RPUSD4: variants seen among roughly 807,000 people sequenced by gnomAD.
The protein encoded by RPUSD4 is RNA pseudouridine synthase D4, also known as pseudouridylate synthase RPUSD4, mitochondrial.
RPUSD4 carries 37 observed loss-of-function variants against 35.4 expected under a neutral mutation model. The ratio of observed to expected loss-of-function variants is 1.04; its 90% CI spans 0.80 to 1.37. RPUSD4 has a LOEUF of 1.37. Among genes scored for constraint, RPUSD4 ranks in the 40% most tolerant of loss-of-function variants. The pLI, the probability that RPUSD4 is intolerant of heterozygous loss-of-function variation, is 0.00. For synonymous variants in RPUSD4, 210 were observed against 192.7 expected, an observed-to-expected ratio of 1.09 and a Z score of -0.74; for missense variants, 507 against 484.9, an observed-to-expected ratio of 1.05 and a Z score of -0.43.
intron 2 of RPUSD4, among the ~76,000 whole-genome samples, chr11:126,210,520 T>TACATACAC (rs746246254): frequency 2.1e-3 from 128 of 60,290 alleles, no homozygotes; most frequent in African/African-American, 6.3e-3. Flanking sequence ...CCAACATACA[T>TACATACAC]ACACACACAC....
intron 3 of RPUSD4, among the ~76,000 whole-genome samples, chr11:126,208,017 A>T (rs1949792017): frequency 6.6e-6 from 1 of 152,186 alleles, no homozygotes; most frequent in African/African-American, 2.4e-5. Context: ...AAGGAAATAG[A>T]AAATATCTTT....
intron 2 of RPUSD4, 47 bp from the exon 3 acceptor site, chr11:126,209,769 G>T: frequency 6.6e-7 from 1 of 1,504,642 alleles, no homozygotes; most frequent in Non-Finnish European, 9.1e-7. Flanking sequence ...AAAAGATCTC[G>T]CCAAAGAACT....
rs1286195993 is a variant in RPUSD4, at chr11:126,203,322, CA to C, written c.*95del. The C allele has an allele frequency of 1.3e-6, 2 of 1,536,944 alleles. No individual in the cohort carries two copies. The highest frequency in any genetic ancestry group is 1.8e-6 in the Non-Finnish European group (2 of 1,140,730). On this transcript the variant is annotated 3_prime_UTR_variant, in exon 7 of 7. Transcript: ENST00000298317. ...TGAGAAGTTAGCAGAGTCCTGTAAA[CA>C]AAGAACAGTTCAGGGGCCAACCTGC...
intron 5 of RPUSD4, 138 bp from the exon 6 acceptor site, chr11:126,204,466 G>A (rs7929387): frequency 8.9e-5 from 54 of 604,344 alleles, no homozygotes; most frequent in Admixed American, 3.5e-4. Flanking sequence ...AAAGTATAAC[G>A]AATAATATAG....
intron 2 of RPUSD4, 115 bp downstream of exon 2, chr11:126,210,775 G>A (rs1949848002): frequency 2.8e-6 from 3 of 1,079,076 alleles, no homozygotes; most frequent in Non-Finnish European, 4.0e-6. Flanking sequence ...GTTTACAAAA[G>A]TTTAATTAAT....
chr11:126,210,550 C>CACACACACACACACA (rs3220746), intron 2 of RPUSD4, among the ~76,000 whole-genome samples: 4 of 144,616 alleles, frequency 2.8e-5, no homozygotes, highest in Non-Finnish European at 6.1e-5. Flanking sequence ...CACACACACA[C>CACACACACACACACA]CCCCTTTTTT....
At chr11:126,211,084 T>C in intron 1 of RPUSD4, 29 bp from the exon 2 acceptor site, 2 of 1,585,262 alleles carry the variant, frequency 1.3e-6, no homozygotes, top group Non-Finnish European at 1.7e-6. Context: ...CCGTGGGGAA[T>C]GCCTGGTGCG....
In RPUSD4 at chr11:126,210,547, ACACC is replaced by A. The variant is rs1394354658; in HGVS notation, c.355+339_355+342del. Among the ~76,000 whole-genome samples the A allele has an allele frequency of 4.5e-3, 665 of 147,422 alleles. 2 individuals carry two copies. The highest frequency in any genetic ancestry group is 0.016 in the South Asian group (74 of 4,690). On this transcript the variant is annotated intron_variant, in intron 2 of 6. Coordinates refer to ENST00000298317, the MANE Select transcript of RPUSD4 (RefSeq NM_032795.3). The stretch of plus-strand genomic sequence containing the variant: ...CACACACACACACACACACACACAC[ACACC>A]CCCTTTTTTCTTATGTATCATTTTC...
chr11:126,209,860 G>T, intron 2 of RPUSD4, 138 bp from the exon 3 acceptor site: 2 of 686,668 alleles, frequency 2.9e-6, no homozygotes, highest in Non-Finnish European at 4.9e-6. Context: ...CCAGAGACTA[G>T]CAACAATGGC....
chr11:126,202,976 C>T lies in RPUSD4; in HGVS notation c.*442G>A, dbSNP rs1949728589. 1 of 175,132 alleles carries T rather than the reference C, an allele frequency of 5.7e-6. No individual in the cohort carries two copies. The highest frequency in any genetic ancestry group is 1.2e-5 in the Non-Finnish European group (1 of 80,848). 10.8% of individuals were successfully genotyped at this position (175,132 alleles called of 1,614,324 possible). ...ACTATAGCTGGGCAATCCCTGGATG[C>T]TGTGATATTTGTTAACCATTATGTT... On this transcript the variant is annotated 3_prime_UTR_variant, in exon 7 of 7. Coordinates refer to ENST00000298317, the MANE Select transcript of RPUSD4 (RefSeq NM_032795.3).
rs779732966 is a variant in RPUSD4 at position 126,210,974 on chromosome 11, G to C, written c.271C>G (p.Leu91Val). The C allele has an allele frequency of 6.2e-7, 1 of 1,614,156 alleles. No homozygotes were observed. Among genetic ancestry groups the C allele is most frequent in the South Asian group, 1.1e-5 (1 of 91,082 alleles). Residue 91 changes from leucine to valine, a missense_variant, in exon 2 of 7, where the codon CTT becomes GTT. Coordinates refer to ENST00000298317, the MANE Select transcript of RPUSD4 (RefSeq NM_032795.3). ...RQLQRVHPNV[L>V]AKALTRGILH... Reference sequence around the variant, plus strand: ...ATTCCTCGGGTCAGTGCCTTAGCAAGCACGTTGGGGTGGACTCGCTGCAGC... The same window carrying C: ...ATTCCTCGGGTCAGTGCCTTAGCAACCACGTTGGGGTGGACTCGCTGCAGC...
At chr11:126,208,657 A>G (rs899327218) in intron 3 of RPUSD4, 9 of 152,270 alleles carry the variant, frequency 5.9e-5, no homozygotes, top group African/African-American at 2.2e-4. Context: ...ATATATATAT[A>G]GATATATATG....
rs771259023 is a variant in RPUSD4 at position 126,204,217 on chromosome 11, C to G, written c.894+14G>C. On this transcript the variant is annotated intron_variant, in intron 6 of 6. Coordinates refer to ENST00000298317, the MANE Select transcript of RPUSD4 (RefSeq NM_032795.3). ...CTCCCGTATCTGCTGCACATTGGGT[C>G]AAATTAGTATTACCTGGGGGGCCAA... The G allele has an allele frequency of 6.3e-7, 1 of 1,585,224 alleles. No individual in the cohort carries two copies. Among genetic ancestry groups the G allele is most frequent in the Non-Finnish European group, 8.7e-7 (1 of 1,155,478 alleles).
Position 126,204,344 on chromosome 11 carries a change from G to A in RPUSD4, c.797-16C>T. 1.9e-6 allele frequency: 3 copies of A among 1,576,886 alleles called. No homozygotes were observed. The highest frequency in any genetic ancestry group is 2.6e-6 in the Non-Finnish European group (3 of 1,153,626). On this transcript the variant is annotated splice_polypyrimidine_tract_variant and intron_variant, in intron 5 of 6. Transcript: ENST00000298317. Reference sequence around the variant, plus strand: ...TGTTTTATTCCTTAAAAGAGAGAGAGAGAGAAAGAGAGAAAACTCGTGAGG... The same window carrying A: ...TGTTTTATTCCTTAAAAGAGAGAGAAAGAGAAAGAGAGAAAACTCGTGAGG...
rs948656960 is a variant in RPUSD4 at position 126,202,794 on chromosome 11, G to A, written c.*624C>T. 3 of 152,218 alleles carry A rather than the reference G, an allele frequency of 2.0e-5. No individual in the cohort carries two copies. Among genetic ancestry groups the A allele is most frequent in the Non-Finnish European group, 4.4e-5 (3 of 68,054 alleles). The allele number at this position is 152,218 out of a possible 1,614,324, so 9.4% of individuals were successfully genotyped here. On this transcript the variant is annotated 3_prime_UTR_variant, in exon 7 of 7. Coordinates refer to ENST00000298317, the MANE Select transcript of RPUSD4 (RefSeq NM_032795.3). ...GCTAACAGCTGTTAGACAGCATGCC[G>A]CTCCCCGCTACTGCCTTACACCCAG...
chr11:126,210,520 TACAC>T (rs1555047309), intron 2 of RPUSD4, among the ~76,000 whole-genome samples: 19 of 60,252 alleles, frequency 3.2e-4, no homozygotes, highest in African/African-American at 4.6e-4. Context: ...CCAACATACA[TACAC>T]ACACACACAC....
In RPUSD4 at chr11:126,211,625, C is replaced by T. The variant is rs1000001988; in HGVS notation, c.14G>A (p.Arg5Lys). The stretch of plus-strand genomic sequence containing the variant: ...GATCCAGGGGCCCGACGCGCTCCAC[C>T]TGGGCGCCGCCATCTTACAAGGAAG... MAAP[R>K]WSASGPWIRG... Residue 5 changes from arginine to lysine, a missense_variant, in exon 1 of 7, where the codon AGG becomes AAG. Physicochemically the swap from Arg to Lys is conservative, Grantham distance 26. Transcript: ENST00000298317. The T allele has an allele frequency of 6.8e-6, 11 of 1,612,860 alleles. No individual in the cohort carries two copies. The highest frequency in any genetic ancestry group is 3.3e-4 in the Middle Eastern group (2 of 6,060).
Position 126,210,656 on chromosome 11 carries a change from T to C in RPUSD4, c.355+234A>G, listed in dbSNP as rs6590195. On this transcript the variant is annotated intron_variant, in intron 2 of 6. Transcript: ENST00000298317. Reference sequence around the variant, plus strand: ...TATATCTCTACAGCGATCCCTGTAGTCTGCACACAGCGTATTCTACGAATT... The same window carrying C: ...TATATCTCTACAGCGATCCCTGTAGCCTGCACACAGCGTATTCTACGAATT... Among the ~76,000 whole-genome samples, 1,158 of 152,228 alleles carry C rather than the reference T, an allele frequency of 7.6e-3. 9 individuals are homozygous for C. Among genetic ancestry groups the C allele is most frequent in the African/African-American group, 0.025 (1,039 of 41,526 alleles).
chr11:126,206,945 C>T (rs1032351987), intron 3 of RPUSD4, among the ~76,000 whole-genome samples: 5 of 152,206 alleles, frequency 3.3e-5, no homozygotes, highest in African/African-American at 1.2e-4. Flanking sequence ...CAAGACCCAA[C>T]TGATTGATTT....
Sources: allele counts gnomAD v4.1 joint callset (sites outside exome capture counted in the v4.1 genomes callset), GRCh38; gene constraint gnomAD v4.1.1; transcripts MANE v1.5; gene names NCBI Gene and HGNC (gene_info 2026-07-23, HGNC 2026-07-21).